Variants in ZSCAN25 observed in about 807,000 individuals in gnomAD.
ZSCAN25 encodes zinc finger and SCAN domain containing 25.
Under a neutral mutation model 38.7 loss-of-function variants are expected in ZSCAN25, and 27 were observed. The ratio of observed to expected loss-of-function variants is 0.70; its 90% CI spans 0.51 to 0.96. ZSCAN25 has a LOEUF of 0.96. Among genes scored for constraint, ZSCAN25 ranks in the 40% least tolerant of loss-of-function variants. The pLI, the probability that ZSCAN25 is intolerant of heterozygous loss-of-function variation, is 0.00. For synonymous variants in ZSCAN25, 273 were observed against 277.7 expected (o/e 0.98, Z 0.17); for missense variants, 637 against 705.9 (o/e 0.90, Z 1.11).
the ZSCAN25 span, among the ~76,000 whole-genome samples, chr7:99,696,536 C>A: frequency 4.6e-5 from 7 of 152,164 alleles, no homozygotes; most frequent in African/African-American, 1.7e-4. Flanking sequence ...ACCTCAGTCT[C>A]TGTGGCCAGA....
intron 7 of ZSCAN25, chr7:99,624,502 G>A (rs1030199702): frequency 6.3e-6 from 2 of 319,538 alleles, no homozygotes; most frequent in African/African-American, 2.1e-5. Context: ...AAAAGATGGG[G>A]CATCTGAGCT....
the ZSCAN25 span, among the ~76,000 whole-genome samples, chr7:99,696,346 A>T: frequency 6.6e-6 from 1 of 151,946 alleles, no homozygotes; most frequent in Non-Finnish European, 1.5e-5. Context: ...AGAATTTGTG[A>T]AGAGTCTTTT....
chr7:99,675,339 A>G, the ZSCAN25 span, among the ~76,000 whole-genome samples: 7 of 152,206 alleles, frequency 4.6e-5, no homozygotes, highest in African/African-American at 1.7e-4. Context: ...TTGATCTACT[A>G]CAAGAGTTGA....
At chr7:99,735,861 G>C in the ZSCAN25 span, among the ~76,000 whole-genome samples, 13 of 152,190 alleles carry the variant, frequency 8.5e-5, no homozygotes, top group Non-Finnish European at 7.4e-5. Flanking sequence ...GACCAGAAAG[G>C]CTGGTGGAGT....
chr7:99,635,206 A>G (rs1808223269), downstream of ZSCAN25, among the ~76,000 whole-genome samples: 1 of 145,714 alleles, frequency 6.9e-6, no homozygotes, highest in African/African-American at 2.6e-5. Context: ...TTAGTGCTTT[A>G]CTAACACTAC....
At chr7:99,720,082 TAA>T in the ZSCAN25 span, among the ~76,000 whole-genome samples, 1 of 152,144 alleles carries the variant, frequency 6.6e-6, no homozygotes, top group Non-Finnish European at 1.5e-5. Context: ...GAAATCTGAA[TAA>T]ACTCTGTGAA....
Position 99,630,676 on chromosome 7 carries a change from C to G in ZSCAN25, c.*656C>G. 1.0e-6 allele frequency: 1 copy of G among 985,576 alleles called. No individual in the cohort carries two copies. The highest frequency in any genetic ancestry group is 1.2e-6 in the Non-Finnish European group (1 of 830,048). The allele number at this position is 985,576 out of a possible 1,614,324, so 61.1% of individuals were successfully genotyped here. On this transcript the variant is annotated 3_prime_UTR_variant, in exon 8 of 8. Coordinates refer to ENST00000394152, the MANE Select transcript of ZSCAN25 (RefSeq NM_145115.3). ...TCCCCAGCTGGGATCTGCTCCCAGG[C>G]AACTGTGTGAATTTTACATTATTTG...
chr7:99,626,021 A>C (rs1330366428), intron 7 of ZSCAN25, among the ~76,000 whole-genome samples: 1 of 152,230 alleles, frequency 6.6e-6, no homozygotes, highest in African/African-American at 2.4e-5. Context: ...GACTGAATGC[A>C]CAGGGCAGGG....
the ZSCAN25 span, among the ~76,000 whole-genome samples, chr7:99,673,804 AAAG>A: frequency 6.6e-6 from 1 of 152,188 alleles, no homozygotes; most frequent in Admixed American, 6.5e-5. Flanking sequence ...AGGAAGAAAA[AAAG>A]AAGAGGGGAA....
chr7:99,677,286 C>T, the ZSCAN25 span: 4 of 980,874 alleles, frequency 4.1e-6, no homozygotes, highest in Non-Finnish European at 4.8e-6. Context: ...GACACTGATT[C>T]AGCTGTGAAG....
chr7:99,729,512 G>A, the ZSCAN25 span, among the ~76,000 whole-genome samples: 1 of 152,064 alleles, frequency 6.6e-6, no homozygotes, highest in Admixed American at 6.6e-5. Context: ...AGGAATGTCA[G>A]GCCTCTGAGC....
At chr7:99,734,891 G>A in the ZSCAN25 span, 2 of 1,381,078 alleles carry the variant, frequency 1.4e-6, no homozygotes, top group Admixed American at 1.7e-5. Context: ...AAAGTTCTGG[G>A]ATGACAGGTG....
At chr7:99,660,807 A>G in the ZSCAN25 span, 3 of 928,098 alleles carry the variant, frequency 3.2e-6, no homozygotes, top group Non-Finnish European at 3.2e-6. Flanking sequence ...TCATTCTGAT[A>G]TGTATCTTAT....
At chr7:99,656,493 T>C in the ZSCAN25 span, among the ~76,000 whole-genome samples, 1 of 152,246 alleles carries the variant, frequency 6.6e-6, no homozygotes, top group Admixed American at 6.5e-5. Flanking sequence ...CAGTATTTTA[T>C]TGAGGATTTT....
chr7:99,686,294 G>T, the ZSCAN25 span, among the ~76,000 whole-genome samples: 1 of 152,176 alleles, frequency 6.6e-6, no homozygotes, highest in Non-Finnish European at 1.5e-5. Flanking sequence ...GGAAAATCAG[G>T]TCACTCCCAC....
chr7:99,628,934 A>G (rs1807729673), intron 7 of ZSCAN25, among the ~76,000 whole-genome samples: 1 of 152,184 alleles, frequency 6.6e-6, no homozygotes, highest in East Asian at 1.9e-4. Context: ...GAAATTATTG[A>G]GCTACATTTT....
chr7:99,717,417 T>C, the ZSCAN25 span: 1 of 1,582,794 alleles, frequency 6.3e-7, no homozygotes. Flanking sequence ...TTTAGGAAGC[T>C]CAAATTCAGC....
At chr7:99,676,321 T>A in the ZSCAN25 span, 1 of 1,570,028 alleles carries the variant, frequency 6.4e-7, no homozygotes, top group Non-Finnish European at 8.7e-7. Context: ...ATGTACACGA[T>A]AAATAATAAC....
the ZSCAN25 span, chr7:99,663,285 C>A: frequency 1.0e-6 from 1 of 998,504 alleles, no homozygotes; most frequent in South Asian, 4.4e-5. Flanking sequence ...CCTGACATTT[C>A]CAGAACTCAT....
Sources: allele counts gnomAD v4.1 joint callset (sites outside exome capture counted in the v4.1 genomes callset), GRCh38; gene constraint gnomAD v4.1.1; transcripts MANE v1.5; gene names NCBI Gene and HGNC (gene_info 2026-07-23, HGNC 2026-07-21).